The following NIPBL variants were observed in gnomAD, a reference collection of about 807,000 sequenced individuals.
NIPBL encodes NIPBL cohesin loading factor.
In NIPBL, 19 loss-of-function variants were observed where a neutral mutation model predicts 321.8. The ratio of observed to expected loss-of-function variants is 0.06; its 90% CI spans 0.04 to 0.09. The LOEUF is 0.09. Ranked by LOEUF, NIPBL falls within the 10% of genes least tolerant of loss-of-function variation. The probability of loss-of-function intolerance (pLI) is 1.00; values close to 1 mark genes in which losing one functional copy is unlikely to be tolerated. For synonymous variants in NIPBL, 1,106 were observed against 1,114.1 expected, an observed-to-expected ratio of 0.99 and a Z score of 0.14; for missense variants, 2,210 against 3,327.0, an observed-to-expected ratio of 0.66 and a Z score of 8.26.
intron 10 of NIPBL, among the ~76,000 whole-genome samples, chr5:36,990,059 G>A (rs1745319643): frequency 6.6e-6 from 1 of 151,080 alleles, no homozygotes; most frequent in Non-Finnish European, 1.5e-5. Flanking sequence ...ATTCTCCATT[G>A]TGTGGACTCA....
chr5:37,003,230 G>T (rs772311222), intron 15 of NIPBL, 31 bp from the exon 16 acceptor site: 2 of 1,236,882 alleles, frequency 1.6e-6, no homozygotes, highest in Admixed American at 1.7e-5. Flanking sequence ...TTTTACCAAC[G>T]ATTGATAAAG....
chr5:36,945,548 A>G (rs1739573186), intron 1 of NIPBL, among the ~76,000 whole-genome samples: 3 of 152,202 alleles, frequency 2.0e-5, no homozygotes, highest in Admixed American at 6.5e-5. Flanking sequence ...TAGCTACACT[A>G]TTGGGACACG....
chr5:37,015,919 T>G lies in NIPBL; in HGVS notation c.4644-119T>G, dbSNP rs557304060. 22 of 872,236 alleles carry G rather than the reference T, an allele frequency of 2.5e-5. 1 individual carries two copies. The South Asian group carries it at 3.0e-4, about 12-fold the overall frequency. The allele number at this position is 872,236 out of a possible 1,614,324, so 54.0% of individuals were successfully genotyped here. On this transcript the variant is annotated intron_variant, in intron 22 of 46. Coordinates refer to ENST00000282516, the MANE Select transcript of NIPBL (RefSeq NM_133433.4). ...ATTTTATTTAATGTACATTTATATA[T>G]TTTGTTACTAAACATAGAAAAAAGA...
intron 1 of NIPBL, among the ~76,000 whole-genome samples, chr5:36,950,129 A>G (rs921644598): frequency 6.6e-6 from 1 of 152,042 alleles, no homozygotes; most frequent in South Asian, 2.1e-4. Context: ...TATGATTTAA[A>G]TAATTGTAGG....
chr5:36,962,202 C>T lies in NIPBL; in HGVS notation c.538C>T (p.Pro180Ser), dbSNP rs748523012. ...QNSPVPSPYA[P>S]QSPAGYMPYS... is the part of the protein sequence containing the mutation. ...TAGCCCAGTGCCTAGTCCATACGCCCCACAAAGCCCTGCAGGATACATGCC... is the reference window on the plus strand; with the variant it reads ...TAGCCCAGTGCCTAGTCCATACGCCTCACAAAGCCCTGCAGGATACATGCC... The change falls in exon 6 of 47, where the codon CCA becomes TCA. Residue 180 changes from proline (P) to serine (S), a missense_variant. Physicochemically the swap from Pro to Ser is moderately conservative, Grantham distance 74. This residue lies in a region of NIPBL where 464 missense variants were observed against 529.5 expected (regional missense o/e 0.88). Coordinates refer to ENST00000282516, the MANE Select transcript of NIPBL (RefSeq NM_133433.4). 4.3e-6 allele frequency: 7 copies of T among 1,614,068 alleles called. No homozygotes were observed. The highest frequency in any genetic ancestry group is 1.1e-5 in the South Asian group (1 of 91,084).
At chr5:36,887,629 C>T (rs897156533) in intron 1 of NIPBL, among the ~76,000 whole-genome samples, 3 of 152,152 alleles carry the variant, frequency 2.0e-5, no homozygotes, top group Non-Finnish European at 4.4e-5. Context: ...CCTCTACCTA[C>T]CCCTTTAAAT....
At chr5:37,008,118 A>C in intron 19 of NIPBL, 30 bp downstream of exon 19, 1 of 1,394,206 alleles carries the variant, frequency 7.2e-7, no homozygotes, top group East Asian at 2.3e-5. Context: ...ATTTTTAGTT[A>C]CCCCACAAAT....
intron 27 of NIPBL, among the ~76,000 whole-genome samples, chr5:37,021,659 C>T (rs566009865): frequency 9.2e-5 from 14 of 152,100 alleles, no homozygotes; most frequent in East Asian, 3.9e-4. Flanking sequence ...CCAGCCTGGG[C>T]GACAGAGCGA....
rs562585191 is a variant in NIPBL, at chr5:37,010,979, C to T, written c.4560+754C>T. ...ATATTCATTAGGGCATTTTGCATTT[C>T]ATATTTTCAGATTAGGGGTACTAAA... On this transcript the variant is annotated intron_variant, in intron 21 of 46. Coordinates refer to ENST00000282516, the MANE Select transcript of NIPBL (RefSeq NM_133433.4). 5.9e-5 allele frequency among the ~76,000 whole-genome samples: 9 copies of T among 152,226 alleles called. No individual in the cohort carries two copies. In the South Asian group the frequency reaches 8.3e-4, roughly 14 times the overall value.
rs570121631 is a variant in NIPBL at position 36,914,975 on chromosome 5, T to C, written c.-80+37797T>C. ...AAAATATTTTTAAAAAGGAGTTTTTTCCTCAGATTTTTATTTTTCTTCTTA... is the reference window on the plus strand; with the variant it reads ...AAAATATTTTTAAAAAGGAGTTTTTCCCTCAGATTTTTATTTTTCTTCTTA... On this transcript the variant is annotated intron_variant, in intron 1 of 46. Transcript: ENST00000282516. Among the ~76,000 whole-genome samples the C allele has an allele frequency of 3.3e-5, 5 of 152,168 alleles. 1 individual carries two copies. The highest frequency in any genetic ancestry group is 1.9e-4 in the East Asian group (1 of 5,182).
chr5:36,944,483 T>C (rs1483382439), intron 1 of NIPBL, among the ~76,000 whole-genome samples: 3 of 152,156 alleles, frequency 2.0e-5, no homozygotes, highest in Non-Finnish European at 2.9e-5. Flanking sequence ...AGCCAGAGTT[T>C]CTTGAAAAGA....
chr5:36,999,266 ATAGT>A (rs137880002), intron 11 of NIPBL, among the ~76,000 whole-genome samples: 4 of 152,338 alleles, frequency 2.6e-5, no homozygotes, highest in East Asian at 1.9e-4. Flanking sequence ...TGTATTTATC[ATAGT>A]TAGGGATTCA....
At chr5:37,013,454 G>A (rs1236006185) in intron 21 of NIPBL, among the ~76,000 whole-genome samples, 1 of 151,766 alleles carries the variant, frequency 6.6e-6, no homozygotes, top group Non-Finnish European at 1.5e-5. Context: ...TCTCAGACGG[G>A]GCGGCTGCCG....
intron 25 of NIPBL, 37 bp downstream of exon 25, chr5:37,019,437 G>C: frequency 6.8e-7 from 1 of 1,475,272 alleles, no homozygotes; most frequent in Non-Finnish European, 9.5e-7. Context: ...GATACTACAT[G>C]TTTATTTAAA....
Position 37,049,205 on chromosome 5 carries a change from G to C in NIPBL, c.6858G>C (p.Val2286=). 6.2e-7 allele frequency: 1 copy of C among 1,614,136 alleles called. No homozygotes were observed. The highest frequency in any genetic ancestry group is 2.2e-5 in the East Asian group (1 of 44,876). Residue 2286 remains valine, a synonymous_variant, in exon 40 of 47, where the codon GTG becomes GTC. Transcript: ENST00000282516. ...SSIMQLYLKQ[V]LEAFFHTQSS... is the part of the protein sequence containing the mutation. ...TCATGCAGCTTTATCTCAAACAGGT[G>C]CTTGAGGCATTTTTTCACACCCAGT... is the stretch of plus-strand genomic sequence containing the variant.
intron 6 of NIPBL, among the ~76,000 whole-genome samples, chr5:36,964,777 CTGTT>C (rs1742022719): frequency 1.3e-5 from 2 of 151,986 alleles, no homozygotes; most frequent in Non-Finnish European, 2.9e-5. Context: ...TGCAAACTAT[CTGTT>C]TGACAAGTGA....
rs1753657798 is a variant in NIPBL, at chr5:37,052,379, C to G, written c.7076C>G (p.Ala2359Gly). The G allele has an allele frequency of 6.2e-7, 1 of 1,613,826 alleles. No homozygotes were observed. The highest frequency in any genetic ancestry group is 8.5e-7 in the Non-Finnish European group (1 of 1,179,752). The change falls in exon 42 of 47, where the codon GCT (alanine) becomes GGT (glycine). Residue 2359 changes from alanine (A) to glycine (G), a missense_variant. By Grantham distance (60) the Ala-to-Gly change is moderately conservative. Around this residue, in one of 14 missense-constraint regions of NIPBL, gnomAD observed 112 missense variants for 288.3 expected, o/e 0.39. Coordinates refer to ENST00000282516, the MANE Select transcript of NIPBL (RefSeq NM_133433.4). ...YAGFIHMKAV[A>G]GMKMSYQVQQ... is the part of the protein sequence containing the mutation. ...TATTGATTTCAGATGAAAGCAGTGGCTGGTATGAAGATGTCTTACCAGGTA... is the reference window on the plus strand; with the variant it reads ...TATTGATTTCAGATGAAAGCAGTGGGTGGTATGAAGATGTCTTACCAGGTA...
intron 10 of NIPBL, among the ~76,000 whole-genome samples, chr5:36,990,526 GT>G (rs1745380054): frequency 6.6e-6 from 1 of 152,090 alleles, no homozygotes; most frequent in Admixed American, 6.6e-5. Flanking sequence ...CATTTGTACA[GT>G]TTTATAAAAT....
chr5:37,033,731 T>TATA (rs1491233297), intron 32 of NIPBL, among the ~76,000 whole-genome samples: 46 of 38,246 alleles, frequency 1.2e-3, no homozygotes, highest in East Asian at 3.5e-3. Flanking sequence ...TATATATATA[T>TATA]TTTTTTTTTT....
Sources: gnomAD v4.1 joint callset for allele counts (sites outside exome capture counted in the v4.1 genomes callset) on GRCh38, gnomAD v4.1.1 for gene constraint, gnomAD v4.1.1 regional missense constraint, MANE v1.5 for transcripts, NCBI Gene and HGNC (gene_info 2026-07-23, HGNC 2026-07-21) for gene names.